ZNF606: variants seen among roughly 807,000 people sequenced by gnomAD.
ZNF606 encodes zinc finger protein 328.
ZNF606 carries 37 observed loss-of-function variants against 74.9 expected under a neutral mutation model. That is an observed-to-expected ratio of 0.49 (90% confidence interval 0.38 to 0.65). The LOEUF is 0.65. Among genes scored for constraint, ZNF606 ranks in the 30% least tolerant of loss-of-function variants. The probability of loss-of-function intolerance (pLI) is 0.00; values close to 1 mark genes in which losing one functional copy is unlikely to be tolerated. For synonymous variants in ZNF606, 328 were observed against 312.4 expected (o/e 1.05, Z -0.53); for missense variants, 852 against 952.9 (o/e 0.89, Z 1.39).
At chr19:57,989,982 G>A (rs1247460011) in intron 4 of ZNF606, among the ~76,000 whole-genome samples, 1 of 145,346 alleles carries the variant, frequency 6.9e-6, no homozygotes, top group Non-Finnish European at 1.5e-5. Context: ...AACCAGGGAG[G>A]CGGAGCTTGC....
rs2073462352 is a variant in ZNF606, at chr19:58,002,758, A to T, written c.-414T>A. 3 of 454,098 alleles carry T rather than the reference A, an allele frequency of 6.6e-6. No individual in the cohort carries two copies. Among genetic ancestry groups the T allele is most frequent in the African/African-American group, 2.0e-5 (1 of 49,640 alleles). 28.1% of individuals were successfully genotyped at this position (454,098 alleles called of 1,614,324 possible). On this transcript the variant is annotated 5_prime_UTR_variant, in exon 1 of 7. Transcript: ENST00000551380. ...CAAGCCCCGCAGCTACGGCGGCCCC[A>T]CAGCCTGAGCAAAGGCCTCACCTCA...
chr19:57,979,677 G>A lies in ZNF606; in HGVS notation c.1003C>T (p.His335Tyr). The change falls in exon 7 of 7, where the codon CAC (histidine) becomes TAC (tyrosine). Residue 335 changes from histidine (H) to tyrosine (Y), a missense_variant. Around this residue, in one of 3 missense-constraint regions of ZNF606, gnomAD observed 545 missense variants for 542.5 expected, o/e 1.00. Transcript: ENST00000551380. Reference protein sequence around the residue: ...IFNQSPSFNEHPRLHVGENQY... With the variant: ...IFNQSPSFNEYPRLHVGENQY... The stretch of plus-strand genomic sequence containing the variant: ...TTTTCTCCAACATGAAGCCTTGGGT[G>A]TTCATTAAATGATGGGCTCTGGTTA... 1.2e-6 allele frequency: 2 copies of A among 1,613,668 alleles called. No homozygotes were observed. The highest frequency in any genetic ancestry group is 1.7e-6 in the Non-Finnish European group (2 of 1,179,958).
At position 57,978,501 on chromosome 19, in the gene ZNF606, G is replaced by T. The variant is rs2073024020; in HGVS notation, c.2179C>A (p.Leu727Ile). The change falls in exon 7 of 7, where the codon CTA (leucine) becomes ATA (isoleucine). Residue 727 changes from leucine to isoleucine, a missense_variant. By Grantham distance (5) the Leu-to-Ile change is conservative. Around this residue, in one of 3 missense-constraint regions of ZNF606, gnomAD observed 243 missense variants for 359.2 expected, o/e 0.68. Coordinates refer to ENST00000551380, the MANE Select transcript of ZNF606 (RefSeq NM_001348022.3). This position sits in a 1 kb window ranked among gnomAD's most constrained non-coding sequence, Gnocchi z 4.4. The part of the protein sequence containing the change: ...FNESSSLIVH[L>I]RNHTGEKPYK... ...GGCTTTTCTCCAGTATGGTTTCTTA[G>T]GTGTACAATAAGGGATGAACTCTCA... 1 of 1,613,676 alleles carries T rather than the reference G, an allele frequency of 6.2e-7. No individual in the cohort carries two copies.
At chr19:57,981,014 C>T (rs2073078481) in intron 6 of ZNF606, among the ~76,000 whole-genome samples, 1 of 152,136 alleles carries the variant, frequency 6.6e-6, no homozygotes, top group Non-Finnish European at 1.5e-5. Flanking sequence ...AGCACATTTA[C>T]TTTTAACTTA....
At chr19:57,996,098 T>C (rs1339877565) in intron 4 of ZNF606, among the ~76,000 whole-genome samples, 1 of 152,300 alleles carries the variant, frequency 6.6e-6, no homozygotes, top group Admixed American at 6.5e-5. Context: ...AAAGGGGACA[T>C]TTTCAAACTG....
At chr19:57,989,033 T>G (rs1425766054) in intron 4 of ZNF606, among the ~76,000 whole-genome samples, 2 of 152,122 alleles carry the variant, frequency 1.3e-5, no homozygotes, top group Non-Finnish European at 2.9e-5. Flanking sequence ...ACCCCTCTTC[T>G]GGAAAGGCAG....
intron 6 of ZNF606, among the ~76,000 whole-genome samples, chr19:57,985,452 G>A (rs1339769263): frequency 6.6e-6 from 1 of 152,200 alleles, no homozygotes; most frequent in Non-Finnish European, 1.5e-5. Flanking sequence ...AAAACCTCTA[G>A]GGAGGAGGTA....
intron 6 of ZNF606, among the ~76,000 whole-genome samples, chr19:57,984,914 G>GA (rs2123284837): frequency 6.6e-6 from 1 of 152,270 alleles, no homozygotes; most frequent in East Asian, 1.9e-4. Context: ...CTAACATGGT[G>GA]AAACCCCAAC....
intron 4 of ZNF606, among the ~76,000 whole-genome samples, chr19:57,991,196 A>G (rs1048905748): frequency 1.1e-4 from 17 of 151,856 alleles, no homozygotes; most frequent in Admixed American, 2.6e-4. Flanking sequence ...TTTTTTCTTT[A>G]TATTTATCAT....
chr19:57,996,247 A>T lies in ZNF606; in HGVS notation c.177+3561T>A, dbSNP rs186279785. 2.4e-3 allele frequency among the ~76,000 whole-genome samples: 360 copies of T among 152,318 alleles called. 1 individual carries two copies. Among genetic ancestry groups the T allele is most frequent in the African/African-American group, 8.4e-3 (351 of 41,578 alleles). ...CTGGGCACAATGGCTCACGCCTGTA[A>T]TCCCAGCATTTTGAGAGGGCAAGGC... is the stretch of plus-strand genomic sequence containing the variant. On this transcript the variant is annotated intron_variant, in intron 4 of 6. Coordinates refer to ENST00000551380, the MANE Select transcript of ZNF606 (RefSeq NM_001348022.3).
chr19:57,980,834 CAAAA>C (rs55983296), intron 6 of ZNF606, among the ~76,000 whole-genome samples: 24 of 103,804 alleles, frequency 2.3e-4, no homozygotes, highest in African/African-American at 7.1e-4. Context: ...TACACCGTCT[CAAAA>C]AAAAAAAAAA....
rs754569804 is a variant in ZNF606, at chr19:57,979,939, C to G, written c.741G>C (p.Trp247Cys). ...CATACATTATGGCTGAGTCACATCTCCAACTTTGAGCATGTGTATCAGGCT... is the reference window on the plus strand; with the variant it reads ...CATACATTATGGCTGAGTCACATCTGCAACTTTGAGCATGTGTATCAGGCT... ...FYKPDTHAQS[W>C]RCDSAIMYAD... Residue 247 changes from tryptophan (W) to cysteine (C), a missense_variant, in exon 7 of 7, where the codon TGG becomes TGC. Around this residue, in one of 3 missense-constraint regions of ZNF606, gnomAD observed 545 missense variants for 542.5 expected, o/e 1.00. Transcript: ENST00000551380. 2.7e-5 allele frequency: 43 copies of G among 1,613,864 alleles called. No individual in the cohort carries two copies. The highest frequency in any genetic ancestry group is 3.4e-5 in the Non-Finnish European group (40 of 1,180,034).
chr19:57,989,170 C>T (rs1395414254), intron 4 of ZNF606, among the ~76,000 whole-genome samples: 2 of 152,160 alleles, frequency 1.3e-5, no homozygotes, highest in Non-Finnish European at 2.9e-5. Context: ...TGTACATTCA[C>T]AAGTTGTCTT....
chr19:57,984,951 C>A (rs893329204), intron 6 of ZNF606, among the ~76,000 whole-genome samples: 2 of 152,024 alleles, frequency 1.3e-5, no homozygotes, highest in Non-Finnish European at 2.9e-5. Flanking sequence ...AAAAATTAGC[C>A]AGGCGTGGTG....
At chr19:58,003,164 G>A (rs1316157431), upstream of ZNF606, 1 of 446,608 alleles carries the variant, frequency 2.2e-6, no homozygotes, top group African/African-American at 2.0e-5. Flanking sequence ...CCTTCCATTT[G>A]GCGTTCGCAA....
In ZNF606 at chr19:57,979,450, G is replaced by C; in HGVS notation, c.1230C>G (p.Ile410Met). The C allele has an allele frequency of 1.2e-6, 2 of 1,614,096 alleles. No individual in the cohort carries two copies. Among genetic ancestry groups the C allele is most frequent in the Non-Finnish European group, 1.7e-6 (2 of 1,180,026 alleles). ...TATGTTGAATAAGGTAAGAGCTCCA[G>C]ATGAAAGACGTCCCACATTCATTGT... is the stretch of plus-strand genomic sequence containing the variant. ...YDYNECGTSF[I>M]WSSYLIQHKK... Residue 410 changes from isoleucine to methionine, a missense_variant, in exon 7 of 7, where the codon ATC (isoleucine) becomes ATG (methionine). Around this residue, in one of 3 missense-constraint regions of ZNF606, gnomAD observed 545 missense variants for 542.5 expected, o/e 1.00. Coordinates refer to ENST00000551380, the MANE Select transcript of ZNF606 (RefSeq NM_001348022.3).
At chr19:57,992,107 T>C (rs1321006232) in intron 4 of ZNF606, among the ~76,000 whole-genome samples, 1 of 152,074 alleles carries the variant, frequency 6.6e-6, no homozygotes. Context: ...TGTTCAAAAA[T>C]AGAGGAATTA....
At chr19:57,992,250 A>T (rs1266982663) in intron 4 of ZNF606, among the ~76,000 whole-genome samples, 1 of 152,196 alleles carries the variant, frequency 6.6e-6, no homozygotes, top group African/African-American at 2.4e-5. Flanking sequence ...TTTATAATGG[A>T]GGGGTCAGTC....
At position 57,979,120 on chromosome 19, in the gene ZNF606, T is replaced by A. The variant is rs749250920; in HGVS notation, c.1560A>T (p.Ser520=). ...KPFECTECGK[S]FSWSSHLIAH... Reference sequence around the variant, plus strand: ...CAATAAGATGGGAGCTCCAGCTGAATGATTTCCCACATTCAGTACATTCAA... The same window carrying A: ...CAATAAGATGGGAGCTCCAGCTGAAAGATTTCCCACATTCAGTACATTCAA... Residue 520 remains serine, a synonymous_variant, in exon 7 of 7, where the codon TCA becomes TCT. Coordinates refer to ENST00000551380, the MANE Select transcript of ZNF606 (RefSeq NM_001348022.3). 3.1e-6 allele frequency: 5 copies of A among 1,613,932 alleles called. No homozygotes were observed. The South Asian group carries it at 3.3e-5, about 11-fold the overall frequency.
Sources: allele counts gnomAD v4.1 joint callset (sites outside exome capture counted in the v4.1 genomes callset), GRCh38; gene constraint gnomAD v4.1.1; regional missense constraint gnomAD v4.1.1; non-coding constraint Gnocchi (gnomAD v3.1); transcripts MANE v1.5; gene names NCBI Gene and HGNC (gene_info 2026-07-23, HGNC 2026-07-21).